Variants in PLCB1 observed in about 807,000 individuals in gnomAD.
The protein encoded by PLCB1 is 1-phosphatidylinositol 4,5-bisphosphate phosphodiesterase beta-1.
A neutral mutation model predicts 161.8 loss-of-function variants in PLCB1; 46 were observed. That is an observed-to-expected ratio of 0.28 (90% CI 0.22 to 0.36). The LOEUF (loss-of-function observed/expected upper bound fraction) is 0.36, where lower values mean the gene tolerates loss of function less well. Ranked by LOEUF, PLCB1 falls within the 10% of genes least tolerant of loss-of-function variation. The probability of loss-of-function intolerance (pLI) is 1.00; values close to 1 mark genes in which losing one functional copy is unlikely to be tolerated. For missense variants in PLCB1, 1,016 were observed against 1,472.5 expected, an observed-to-expected ratio of 0.69 and a Z score of 5.07; for synonymous variants, 517 against 503.7, an observed-to-expected ratio of 1.03 and a Z score of -0.35.
chr20:8,677,621 G>A (rs1169601616), intron 9 of PLCB1, among the ~76,000 whole-genome samples: 1 of 151,912 alleles, frequency 6.6e-6, no homozygotes, highest in Non-Finnish European at 1.5e-5. Context: ...ATTGCCAGAG[G>A]GACAAAAACC....
chr20:8,868,284 T>C (rs1019873426), intron 31 of PLCB1, among the ~76,000 whole-genome samples: 1 of 152,220 alleles, frequency 6.6e-6, no homozygotes, highest in Non-Finnish European at 1.5e-5. Context: ...AAGCCTGTGA[T>C]GATTTAGAAA....
At chr20:8,649,748 T>C (rs1989259854) in intron 7 of PLCB1, 2 of 400,898 alleles carry the variant, frequency 5.0e-6, no homozygotes, top group Admixed American at 3.6e-5. Context: ...AGATGTGCCC[T>C]CTCCACCTTG....
chr20:8,847,804 G>C (rs1247229236), intron 31 of PLCB1, among the ~76,000 whole-genome samples: 1 of 152,176 alleles, frequency 6.6e-6, no homozygotes, highest in Non-Finnish European at 1.5e-5. Context: ...TATCAAGAAG[G>C]ATACAGATCA....
At chr20:8,390,145 TAA>T (rs1308986397) in intron 3 of PLCB1, among the ~76,000 whole-genome samples, 1 of 152,198 alleles carries the variant, frequency 6.6e-6, no homozygotes, top group Non-Finnish European at 1.5e-5. Flanking sequence ...TACCACAGGC[TAA>T]GTGGCTTAAA....
intron 2 of PLCB1, among the ~76,000 whole-genome samples, chr20:8,245,617 G>T (rs1196262251): frequency 1.3e-5 from 2 of 151,782 alleles, no homozygotes; most frequent in Non-Finnish European, 2.9e-5. Context: ...TCACTTAGAT[G>T]GTCTGAGCCC....
At chr20:8,281,063 T>G (rs929383926) in intron 2 of PLCB1, among the ~76,000 whole-genome samples, 4 of 152,214 alleles carry the variant, frequency 2.6e-5, no homozygotes, top group Non-Finnish European at 5.9e-5. Context: ...ATAAAAAAAT[T>G]AATAACCTTT....
At position 8,242,501 on chromosome 20, in the gene PLCB1, C is replaced by T. The variant is rs1883203; in HGVS notation, c.177+92130C>T. On this transcript the variant is annotated intron_variant, in intron 2 of 31. Transcript: ENST00000338037. The stretch of plus-strand genomic sequence containing the variant: ...GAGTACTTAAAGGCCACTGCAAAAC[C>T]AGGCACCTGATCCTCTAATTGAGAG... 9.4e-3 allele frequency among the ~76,000 whole-genome samples: 1,427 copies of T among 152,016 alleles called. 30 individuals are homozygous for T. Among genetic ancestry groups the T allele is most frequent in the African/African-American group, 0.031 (1,301 of 41,512 alleles).
chr20:8,504,849 C>T (rs537991280), intron 3 of PLCB1, among the ~76,000 whole-genome samples: 29 of 152,256 alleles, frequency 1.9e-4, no homozygotes, highest in Non-Finnish European at 3.7e-4. Context: ...TAGCTTTTCT[C>T]TCTGGAAGGA....
chr20:8,207,113 T>A (rs1298236765), intron 2 of PLCB1, among the ~76,000 whole-genome samples: 1 of 94,738 alleles, frequency 1.1e-5, no homozygotes, highest in Non-Finnish European at 2.3e-5. Flanking sequence ...GGATGAGTTA[T>A]TTTTCCTTTA....
At chr20:8,674,231 A>G (rs1366339561) in intron 9 of PLCB1, among the ~76,000 whole-genome samples, 2 of 152,242 alleles carry the variant, frequency 1.3e-5, no homozygotes, top group Admixed American at 1.3e-4. Context: ...CTATGGAGAA[A>G]TATAAACAGC....
intron 3 of PLCB1, among the ~76,000 whole-genome samples, chr20:8,451,828 C>G (rs1436141718): frequency 6.6e-6 from 1 of 151,630 alleles, no homozygotes; most frequent in Admixed American, 6.6e-5. Context: ...TCTTCCATCT[C>G]CCTCTTCTTC....
intron 3 of PLCB1, among the ~76,000 whole-genome samples, chr20:8,449,892 T>C (rs1980996397): frequency 1.3e-5 from 2 of 152,214 alleles, no homozygotes; most frequent in African/African-American, 2.4e-5. Flanking sequence ...GGCATAATCT[T>C]ACTAATGGAC....
chr20:8,436,986 C>T (rs1419203691), intron 3 of PLCB1, among the ~76,000 whole-genome samples: 1 of 152,060 alleles, frequency 6.6e-6, no homozygotes, highest in Non-Finnish European at 1.5e-5. Flanking sequence ...GATGAGCTTT[C>T]ACCATATTGG....
At chr20:8,820,580 A>G (rs1429401190) in intron 31 of PLCB1, among the ~76,000 whole-genome samples, 3 of 152,188 alleles carry the variant, frequency 2.0e-5, no homozygotes, top group African/African-American at 7.2e-5. Flanking sequence ...GAGATTATCT[A>G]GTTAAGTTGA....
chr20:8,528,009 A>G (rs1984650866), intron 3 of PLCB1, among the ~76,000 whole-genome samples: 1 of 152,088 alleles, frequency 6.6e-6, no homozygotes, highest in Non-Finnish European at 1.5e-5. Context: ...TGAAAACAAT[A>G]TAAAATAAAT....
At chr20:8,746,069 C>T (rs1391205433) in intron 23 of PLCB1, among the ~76,000 whole-genome samples, 1 of 152,110 alleles carries the variant, frequency 6.6e-6, no homozygotes, top group Non-Finnish European at 1.5e-5. Flanking sequence ...GTAGCCGGGA[C>T]TACAGGCACC....
chr20:8,753,655 T>A (rs1343235444), intron 23 of PLCB1, among the ~76,000 whole-genome samples: 1 of 152,152 alleles, frequency 6.6e-6, no homozygotes, highest in East Asian at 1.9e-4. Flanking sequence ...AGGCAAACTC[T>A]GCTCCTCCTG....
chr20:8,306,374 G>T (rs2123328895), intron 2 of PLCB1: 1 of 152,350 alleles, frequency 6.6e-6, no homozygotes, highest in South Asian at 2.1e-4. Flanking sequence ...AATGCCACCT[G>T]CAGGTCAGTG....
At chr20:8,711,364 A>C (rs1979006403) in intron 12 of PLCB1, among the ~76,000 whole-genome samples, 2 of 152,258 alleles carry the variant, frequency 1.3e-5, no homozygotes, top group South Asian at 4.1e-4. Context: ...CTAGTCATTT[A>C]GAGATCAAAA....
Sources: allele counts gnomAD v4.1 joint callset (sites outside exome capture counted in the v4.1 genomes callset), GRCh38; gene constraint gnomAD v4.1.1; transcripts MANE v1.5; gene names NCBI Gene and HGNC (gene_info 2026-07-23, HGNC 2026-07-21).